Variants in FRMD6 observed in about 807,000 individuals in gnomAD.
The protein encoded by FRMD6 is FERM domain-containing protein 6.
A neutral mutation model predicts 73.2 loss-of-function variants in FRMD6; 37 were observed. The ratio of observed to expected loss-of-function variants is 0.51; its 90% CI spans 0.39 to 0.66. The LOEUF (loss-of-function observed/expected upper bound fraction) is 0.66. Among genes scored for constraint, FRMD6 ranks in the 30% least tolerant of loss-of-function variants. The probability of loss-of-function intolerance (pLI) is 0.00; values close to 1 mark genes in which losing one functional copy is unlikely to be tolerated. For missense variants in FRMD6, 714 were observed against 780.5 expected (o/e 0.91, Z 1.02); for synonymous variants, 273 against 282.2 (o/e 0.97, Z 0.33).
chr14:51,617,632 T>G (rs1349195182), intron 2 of FRMD6, among the ~76,000 whole-genome samples: 1 of 151,782 alleles, frequency 6.6e-6, no homozygotes, highest in African/African-American at 2.4e-5. Context: ...GTTATAATGC[T>G]ACCTACCTCG....
chr14:51,581,994 A>C (rs1231475843), intron 2 of FRMD6, among the ~76,000 whole-genome samples: 1 of 152,228 alleles, frequency 6.6e-6, no homozygotes, highest in East Asian at 1.9e-4. Flanking sequence ...TTTGAGACAA[A>C]AAGGGCTTAT....
At chr14:51,400,358 T>C in the FRMD6 span, among the ~76,000 whole-genome samples, 1 of 152,198 alleles carries the variant, frequency 6.6e-6, no homozygotes, top group South Asian at 2.1e-4. Context: ...TGAGGTCATA[T>C]GGTAACTGTT....
intron 1 of FRMD6, among the ~76,000 whole-genome samples, chr14:51,548,876 G>A (rs1287374771): frequency 1.3e-5 from 2 of 152,182 alleles, no homozygotes; most frequent in African/African-American, 2.4e-5. Flanking sequence ...GCTAATTAGA[G>A]ATGGAAAATC....
the FRMD6 span, among the ~76,000 whole-genome samples, chr14:51,435,696 C>T: frequency 6.6e-6 from 1 of 152,106 alleles, no homozygotes; most frequent in East Asian, 1.9e-4. Context: ...TATGAAATTA[C>T]AGCTAGATAA....
Position 51,571,751 on chromosome 14 carries a change from C to T in FRMD6, c.-147+1341C>T, listed in dbSNP as rs1416272603. ...TTTATATAATGAAGATACTAATAGA[C>T]TGTACTAGTGAGGATTGCTCTAAAA... On this transcript the variant is annotated intron_variant, in intron 2 of 14. Transcript: ENST00000356218. Among the ~76,000 whole-genome samples the T allele has an allele frequency of 2.0e-5, 3 of 152,110 alleles. No homozygotes were observed. The East Asian group carries it at 5.8e-4, about 29-fold the overall frequency.
chr14:51,599,427 C>T (rs1594582593), intron 2 of FRMD6, among the ~76,000 whole-genome samples: 2 of 152,132 alleles, frequency 1.3e-5, no homozygotes, highest in East Asian at 1.9e-4. Context: ...TGGGCATTGA[C>T]CTTGGGAAAG....
intron 2 of FRMD6, among the ~76,000 whole-genome samples, chr14:51,586,287 A>G (rs958232335): frequency 6.6e-6 from 1 of 152,082 alleles, no homozygotes. Context: ...TGACTGGTAT[A>G]AGATGATACC....
chr14:51,701,875 T>C (rs1896346616), intron 4 of FRMD6, among the ~76,000 whole-genome samples: 1 of 151,974 alleles, frequency 6.6e-6, no homozygotes, highest in Admixed American at 6.6e-5. Flanking sequence ...TTGCATTTGA[T>C]GCTTTGTCCA....
Position 51,727,948 on chromosome 14 carries a change from A to C in FRMD6, c.1788A>C (p.Gln596His). Residue 596 changes from glutamine (Q) to histidine (H), a missense_variant, in exon 14 of 14, where the codon CAA becomes CAC. By Grantham distance (24) the Gln-to-His change is conservative (BLOSUM62 0). Transcript: ENST00000344768. Reference sequence around the variant, plus strand: ...TGGCCCAGCAGTGCATCAACATCCAAGATGCTTTTCCAGTCAAAAGAACCA... The same window carrying C: ...TGGCCCAGCAGTGCATCAACATCCACGATGCTTTTCCAGTCAAAAGAACCA... ...SCLAQQCINI[Q>H]DAFPVKRTSK... The C allele has an allele frequency of 6.2e-7, 1 of 1,614,128 alleles. No individual in the cohort carries two copies. Among genetic ancestry groups the C allele is most frequent in the Non-Finnish European group, 8.5e-7 (1 of 1,179,954 alleles).
At chr14:51,462,313 G>A in the FRMD6 span, among the ~76,000 whole-genome samples, 49 of 152,264 alleles carry the variant, frequency 3.2e-4, no homozygotes, top group Non-Finnish European at 5.0e-4. Flanking sequence ...TACCTGCCTC[G>A]GGGGGTTGTG....
At chr14:51,720,479 C>A in intron 11 of FRMD6, 89 bp downstream of exon 11, 1 of 1,169,770 alleles carries the variant, frequency 8.5e-7, no homozygotes, top group Non-Finnish European at 1.2e-6. Context: ...TGGAGAGCAA[C>A]TTTAGGCAGT....
intron 4 of FRMD6, among the ~76,000 whole-genome samples, 176 bp from the exon 5 acceptor site, chr14:51,702,336 C>G (rs138214718): frequency 6.6e-6 from 1 of 152,050 alleles, no homozygotes; most frequent in African/African-American, 2.4e-5. Flanking sequence ...GTATATGAAC[C>G]TGGTATCTAT....
At chr14:51,661,847 A>T (rs1337930243) in intron 1 of FRMD6, among the ~76,000 whole-genome samples, 8 of 152,242 alleles carry the variant, frequency 5.3e-5, no homozygotes, top group Admixed American at 3.9e-4. Flanking sequence ...AGTTTTGTAT[A>T]TTACAAATAT....
intron 1 of FRMD6, among the ~76,000 whole-genome samples, chr14:51,505,106 A>G (rs1026381601): frequency 1.3e-5 from 2 of 152,220 alleles, no homozygotes; most frequent in Admixed American, 6.5e-5. Flanking sequence ...ACCCAGAGGT[A>G]GGGCTGGATG....
At chr14:51,708,391 T>TAC (rs1896755673) in intron 7 of FRMD6, 158 bp downstream of exon 7, 2 of 712,302 alleles carry the variant, frequency 2.8e-6, no homozygotes, top group Admixed American at 5.9e-5. Context: ...TTATCGCACG[T>TAC]CAGTCTTGGA....
At chr14:51,695,492 G>A (rs1025583476) in intron 2 of FRMD6, among the ~76,000 whole-genome samples, 3 of 152,130 alleles carry the variant, frequency 2.0e-5, no homozygotes, top group Admixed American at 1.3e-4. Flanking sequence ...TTCTCCAGTG[G>A]TGGTGGTGGG....
chr14:51,646,638 T>TATCA (rs140648618), intron 2 of FRMD6, among the ~76,000 whole-genome samples: 35,829 of 150,320 alleles, frequency 0.24, 4,610 homozygotes, highest in East Asian at 0.3. Context: ...ACCCATTGTA[T>TATCA]ATCACACAAA....
At chr14:51,419,934 C>T in the FRMD6 span, among the ~76,000 whole-genome samples, 1 of 149,582 alleles carries the variant, frequency 6.7e-6, no homozygotes, top group East Asian at 1.9e-4. Context: ...GGACTTCCTG[C>T]CCTCGTTAGG....
At position 51,638,330 on chromosome 14, in the gene FRMD6, G is replaced by C. The variant is rs912519621; in HGVS notation, c.-146-51361G>C. Among the ~76,000 whole-genome samples the C allele has an allele frequency of 3.3e-5, 5 of 152,042 alleles. No individual in the cohort carries two copies. In the South Asian group the frequency reaches 6.2e-4, roughly 19 times the overall value. ...CTTCCATGGGTAATAAGCTGAGTGA[G>C]AGCGGATAGCATAGTGCCAATCCCC... On this transcript the variant is annotated intron_variant, in intron 2 of 14. Coordinates refer to the FRMD6 transcript ENST00000356218.
Sources: gnomAD v4.1 joint callset for allele counts (sites outside exome capture counted in the v4.1 genomes callset) on GRCh38, gnomAD v4.1.1 for gene constraint, MANE v1.5 for transcripts, NCBI Gene and HGNC (gene_info 2026-07-23, HGNC 2026-07-21) for gene names.